Variants in RAP1GDS1 observed in about 807,000 individuals in gnomAD.
RAP1GDS1 encodes the protein RAP1, GTP-GDP dissociation stimulator 1.
Under a neutral mutation model 71.1 loss-of-function variants are expected in RAP1GDS1, and 35 were observed. The ratio of observed to expected loss-of-function variants is 0.49; its 90% CI spans 0.38 to 0.65. RAP1GDS1 has a LOEUF of 0.65. Among genes scored for constraint, RAP1GDS1 ranks in the 30% least tolerant of loss-of-function variants. RAP1GDS1 has a pLI of 0.00. For missense variants in RAP1GDS1, 663 were observed against 706.1 expected (o/e 0.94, Z 0.69); for synonymous variants, 229 against 243.1 (o/e 0.94, Z 0.54).
chr4:98,367,100 T>C (rs947900990), intron 4 of RAP1GDS1, among the ~76,000 whole-genome samples: 1 of 152,008 alleles, frequency 6.6e-6, no homozygotes. Flanking sequence ...GAAGAAAAGA[T>C]GGTTTTGTGG....
chr4:98,266,010 A>G (rs1722676436), intron 1 of RAP1GDS1, among the ~76,000 whole-genome samples: 1 of 152,184 alleles, frequency 6.6e-6, no homozygotes, highest in Non-Finnish European at 1.5e-5. Flanking sequence ...CCTTGTTTAA[A>G]GATCTGTGAG....
chr4:98,373,312 A>G (rs1740668725), intron 4 of RAP1GDS1, among the ~76,000 whole-genome samples: 1 of 151,836 alleles, frequency 6.6e-6, no homozygotes, highest in African/African-American at 2.4e-5. Flanking sequence ...AGTCTGCTTT[A>G]TTTCTTATTT....
At chr4:98,433,256 T>C (rs535771938) in intron 12 of RAP1GDS1, among the ~76,000 whole-genome samples, 1 of 152,266 alleles carries the variant, frequency 6.6e-6, no homozygotes, top group African/African-American at 2.4e-5. Context: ...CTGGAACATC[T>C]GCAGAACAAC....
chr4:98,391,815 G>T, intron 5 of RAP1GDS1, 137 bp from the exon 6 acceptor site: 1 of 829,106 alleles, frequency 1.2e-6, no homozygotes, highest in Non-Finnish European at 1.7e-6. Context: ...CATATGAATG[G>T]ACTTCATTTT....
At chr4:98,440,910 C>G (rs1315095159) in intron 14 of RAP1GDS1, among the ~76,000 whole-genome samples, 1 of 152,164 alleles carries the variant, frequency 6.6e-6, no homozygotes, top group Non-Finnish European at 1.5e-5. Flanking sequence ...TCAGGCTGGT[C>G]TCAAACTCCC....
intron 2 of RAP1GDS1, among the ~76,000 whole-genome samples, chr4:98,300,541 A>T (rs189644037): frequency 1.0e-3 from 156 of 152,110 alleles, no homozygotes; most frequent in African/African-American, 3.6e-3. Flanking sequence ...CTGGGATTAC[A>T]GATGCCCACC....
chr4:98,417,884 T>G (rs1183761522), intron 9 of RAP1GDS1, among the ~76,000 whole-genome samples: 1 of 152,158 alleles, frequency 6.6e-6, no homozygotes, highest in Non-Finnish European at 1.5e-5. Context: ...CCCATAAAAC[T>G]TAAGTATGAA....
intron 12 of RAP1GDS1, 137 bp from the exon 13 acceptor site, chr4:98,433,799 A>G (rs1750781539): frequency 9.2e-6 from 7 of 759,674 alleles, no homozygotes; most frequent in Non-Finnish European, 1.4e-5. Flanking sequence ...TTCTGTGGAG[A>G]AAAAAACTAT....
chr4:98,424,715 C>T (rs1053577503), intron 12 of RAP1GDS1, among the ~76,000 whole-genome samples: 3 of 149,026 alleles, frequency 2.0e-5, no homozygotes, highest in Non-Finnish European at 3.0e-5. Context: ...GAGCCAAGAT[C>T]GTGCCACTGC....
rs568800065 is a variant in RAP1GDS1, at chr4:98,268,194, G to A, written c.4+6625G>A. ...CAAATCAATAAATGTGATACACCAC[G>A]TTAACAGAATGAAGAACAAAAATCA... On this transcript the variant is annotated intron_variant, in intron 1 of 14. Transcript: ENST00000408927. Among the ~76,000 whole-genome samples, 4 of 152,230 alleles carry A rather than the reference G, an allele frequency of 2.6e-5. No individual in the cohort carries two copies. In the East Asian group the frequency reaches 5.8e-4, roughly 22 times the overall value.
intron 12 of RAP1GDS1, among the ~76,000 whole-genome samples, chr4:98,426,951 A>G (rs1749705369): frequency 1.3e-5 from 2 of 152,208 alleles, no homozygotes; most frequent in African/African-American, 4.8e-5. Context: ...CCTGATGAAC[A>G]TAGATACAAA....
intron 5 of RAP1GDS1, among the ~76,000 whole-genome samples, chr4:98,381,220 AAAGCTGCAGTTTGCAGCTTTT>A (rs1741960663): frequency 6.6e-6 from 1 of 151,530 alleles, no homozygotes; most frequent in African/African-American, 2.4e-5. Flanking sequence ...CTTTATTTCA[AAAGCTGCAGTTTGCAGCTTTT>A]AAAACTTATC....
chr4:98,372,337 A>G (rs529484692), intron 4 of RAP1GDS1, among the ~76,000 whole-genome samples: 15 of 152,064 alleles, frequency 9.9e-5, no homozygotes, highest in African/African-American at 3.6e-4. Flanking sequence ...TAATTTTTGT[A>G]TGTTTTTTAA....
intron 1 of RAP1GDS1, among the ~76,000 whole-genome samples, chr4:98,275,184 T>C (rs1293955411): frequency 1.3e-5 from 2 of 152,174 alleles, no homozygotes; most frequent in East Asian, 1.9e-4. Context: ...TATAGTACAA[T>C]GGTTTGCCAT....
intron 12 of RAP1GDS1, among the ~76,000 whole-genome samples, chr4:98,421,992 T>C (rs1046905051): frequency 4.6e-5 from 7 of 151,844 alleles, no homozygotes; most frequent in Non-Finnish European, 8.8e-5. Context: ...GGTCAGGAGA[T>C]CAAGACCATC....
At chr4:98,362,071 C>CT (rs1436613450) in intron 4 of RAP1GDS1, among the ~76,000 whole-genome samples, 1 of 152,072 alleles carries the variant, frequency 6.6e-6, no homozygotes, top group East Asian at 1.9e-4. Context: ...TCGATTATGT[C>CT]TAAGGTACAT....
chr4:98,343,628 A>G (rs897265637), intron 3 of RAP1GDS1, among the ~76,000 whole-genome samples: 1 of 152,212 alleles, frequency 6.6e-6, no homozygotes, highest in African/African-American at 2.4e-5. Flanking sequence ...TTATACCCAC[A>G]TAAACTCACT....
At position 98,420,001 on chromosome 4, in the gene RAP1GDS1, GTC is replaced by G. The variant is rs755900828; in HGVS notation, c.1175-12_1175-11del. Reference sequence around the variant, plus strand: ...GAATGCTAATACCATTTTAACCATAGTCTCTCTTTTTCTCCAGTTATAAATAA... The same window carrying G: ...GAATGCTAATACCATTTTAACCATAGTCTCTTTTTCTCCAGTTATAAATAA... On this transcript the variant is annotated splice_polypyrimidine_tract_variant and intron_variant, in intron 10 of 14. Transcript: ENST00000408927. The G allele has an allele frequency of 1.9e-6, 3 of 1,577,904 alleles. No individual in the cohort carries two copies. Among genetic ancestry groups the G allele is most frequent in the Middle Eastern group, 2.1e-4 (1 of 4,662 alleles).
intron 7 of RAP1GDS1, among the ~76,000 whole-genome samples, chr4:98,412,348 A>G (rs190054396): frequency 3.9e-5 from 6 of 152,276 alleles, no homozygotes; most frequent in African/African-American, 1.2e-4. Context: ...CCCTGTCTCT[A>G]CAAAAAAAGT....
Sources: gnomAD v4.1 joint callset for allele counts (sites outside exome capture counted in the v4.1 genomes callset) on GRCh38, gnomAD v4.1.1 for gene constraint, MANE v1.5 for transcripts, NCBI Gene and HGNC (gene_info 2026-07-23, HGNC 2026-07-21) for gene names.